ULK4: variants seen among roughly 807,000 people sequenced by gnomAD.
ULK4 encodes the protein inactive serine/threonine-protein kinase ULK4.
In ULK4, 133 loss-of-function variants were observed where a neutral mutation model predicts 160.6. The ratio of observed to expected loss-of-function variants is 0.83; its 90% CI spans 0.72 to 0.96. The LOEUF is 0.96. ULK4 is among the 40% of genes least tolerant of loss of function. ULK4 has a pLI of 0.00. For synonymous variants in ULK4, 534 were observed against 539.8 expected (o/e 0.99, Z 0.15); for missense variants, 1,580 against 1,499.5 (o/e 1.05, Z -0.89).
intron 35 of ULK4, among the ~76,000 whole-genome samples, chr3:41,375,368 C>T (rs1348167683): frequency 6.6e-6 from 1 of 150,982 alleles, no homozygotes; most frequent in East Asian, 2.0e-4. Context: ...CATCACACTA[C>T]CTGACTTCAA....
chr3:41,762,037 T>G (rs1352182512), intron 21 of ULK4, among the ~76,000 whole-genome samples: 1 of 152,122 alleles, frequency 6.6e-6, no homozygotes, highest in Non-Finnish European at 1.5e-5. Flanking sequence ...TGAGCTATGA[T>G]CTCATCACTG....
At chr3:41,641,881 T>C (rs1191740854) in intron 30 of ULK4, among the ~76,000 whole-genome samples, 3 of 151,170 alleles carry the variant, frequency 2.0e-5, no homozygotes, top group Admixed American at 6.6e-5. Context: ...CTTTTTTTTT[T>C]TTTTTTTCTT....
chr3:41,499,768 C>T (rs1343378361), intron 32 of ULK4, among the ~76,000 whole-genome samples: 1 of 152,106 alleles, frequency 6.6e-6, no homozygotes, highest in African/African-American at 2.4e-5. Context: ...ATGAGGTTGT[C>T]TATGGCTAGA....
chr3:41,681,471 A>G (rs1188254674), intron 29 of ULK4, 37 bp downstream of exon 29: 11 of 1,611,802 alleles, frequency 6.8e-6, no homozygotes, highest in Middle Eastern at 1.7e-4. Context: ...TGGATAGCCT[A>G]CACTTCTCTG....
At chr3:41,531,493 GAGA>G (rs1378245209) in intron 32 of ULK4, among the ~76,000 whole-genome samples, 2 of 136,148 alleles carry the variant, frequency 1.5e-5, no homozygotes, top group African/African-American at 2.9e-5. Context: ...GAGGAGAGGA[GAGA>G]AGAAGAAAAA....
intron 17 of ULK4, among the ~76,000 whole-genome samples, chr3:41,841,147 G>A (rs571061253): frequency 1.6e-4 from 23 of 141,202 alleles, no homozygotes; most frequent in Middle Eastern, 5.2e-3. Flanking sequence ...CCGCCACCCC[G>A]TCTGGGATGT....
intron 22 of ULK4, among the ~76,000 whole-genome samples, chr3:41,749,470 G>A (rs571911928): frequency 2.6e-5 from 4 of 152,266 alleles, no homozygotes; most frequent in Admixed American, 1.3e-4. Flanking sequence ...ATGACTAAGC[G>A]AGACTCCATT....
chr3:41,786,264 T>A (rs2039995013), intron 21 of ULK4, among the ~76,000 whole-genome samples: 1 of 152,140 alleles, frequency 6.6e-6, no homozygotes, highest in Admixed American at 6.6e-5. Flanking sequence ...CAACACACTG[T>A]CTCATCTGTG....
intron 34 of ULK4, among the ~76,000 whole-genome samples, chr3:41,443,443 A>G (rs148575499): frequency 5.0e-4 from 76 of 152,366 alleles, no homozygotes; most frequent in Middle Eastern, 3.4e-3. Flanking sequence ...TAATGGATGC[A>G]TAGTAAGCAA....
chr3:41,485,008 G>A (rs1056915696), intron 32 of ULK4, among the ~76,000 whole-genome samples: 1 of 152,142 alleles, frequency 6.6e-6, no homozygotes, highest in African/African-American at 2.4e-5. Context: ...ATAACCTAAT[G>A]TAAAGAAAAA....
intron 29 of ULK4, among the ~76,000 whole-genome samples, chr3:41,664,306 T>C (rs1043256754): frequency 1.8e-4 from 27 of 152,184 alleles, no homozygotes; most frequent in Non-Finnish European, 4.4e-5. Context: ...GGCTAAGATG[T>C]AGCACAGCAA....
chr3:41,828,437 C>T (rs2041451211), intron 18 of ULK4, among the ~76,000 whole-genome samples: 1 of 145,580 alleles, frequency 6.9e-6, no homozygotes, highest in African/African-American at 2.7e-5. Context: ...AGCTGATAAG[C>T]AACTTCAGCA....
At chr3:41,570,728 G>A (rs1209886796) in intron 31 of ULK4, among the ~76,000 whole-genome samples, 1 of 152,104 alleles carries the variant, frequency 6.6e-6, no homozygotes, top group East Asian at 1.9e-4. Context: ...TCATGAGTGA[G>A]TGCCACTTGT....
chr3:41,599,792 C>T (rs1017389740), intron 31 of ULK4, among the ~76,000 whole-genome samples: 3 of 151,770 alleles, frequency 2.0e-5, no homozygotes, highest in Non-Finnish European at 4.4e-5. Context: ...CTCGAACTCC[C>T]GGCCTCAAGT....
intron 30 of ULK4, among the ~76,000 whole-genome samples, chr3:41,660,599 G>A (rs528066293): frequency 6.6e-6 from 1 of 152,292 alleles, no homozygotes; most frequent in East Asian, 1.9e-4. Flanking sequence ...CTTAAGGTAT[G>A]TAAAAATGGA....
intron 32 of ULK4, among the ~76,000 whole-genome samples, chr3:41,559,148 T>G (rs1266893595): frequency 6.7e-6 from 1 of 150,288 alleles, no homozygotes; most frequent in Non-Finnish European, 1.5e-5. Context: ...GTCCTTGCGA[T>G]AGTTTACTGA....
chr3:41,325,328 G>A (rs1349366567), intron 35 of ULK4, among the ~76,000 whole-genome samples: 3 of 152,062 alleles, frequency 2.0e-5, no homozygotes, highest in Non-Finnish European at 4.4e-5. Context: ...ATGAGCTACA[G>A]GTAAACTGGA....
intron 35 of ULK4, among the ~76,000 whole-genome samples, chr3:41,325,824 C>T (rs961811777): frequency 1.3e-5 from 2 of 152,146 alleles, no homozygotes; most frequent in Non-Finnish European, 2.9e-5. Context: ...AAGGCTGAGG[C>T]AGGTGAATTG....
intron 21 of ULK4, among the ~76,000 whole-genome samples, chr3:41,766,259 C>T (rs535287803): frequency 6.6e-6 from 1 of 152,144 alleles, no homozygotes; most frequent in Non-Finnish European, 1.5e-5. Flanking sequence ...CAGAGCAAGA[C>T]TCTGTCTCAA....
Sources: allele counts gnomAD v4.1 joint callset (sites outside exome capture counted in the v4.1 genomes callset), GRCh38; gene constraint gnomAD v4.1.1; transcripts MANE v1.5; gene names NCBI Gene and HGNC (gene_info 2026-07-23, HGNC 2026-07-21).